The following LGR5 variants were observed in gnomAD, a reference collection of about 807,000 sequenced individuals.
LGR5 encodes leucine-rich repeat-containing G protein-coupled receptor 5.
Under a neutral mutation model 76.7 loss-of-function variants are expected in LGR5, and 54 were observed. The ratio of observed to expected loss-of-function variants is 0.70; its 90% CI spans 0.57 to 0.88. The LOEUF is 0.88. LGR5 is among the 40% of genes least tolerant of loss of function. The probability of loss-of-function intolerance (pLI) is 0.00; values close to 1 mark genes in which losing one functional copy is unlikely to be tolerated. For missense variants in LGR5, 1,078 were observed against 1,073.3 expected, an observed-to-expected ratio of 1.00 and a Z score of -0.06; for synonymous variants, 406 against 421.9, an observed-to-expected ratio of 0.96 and a Z score of 0.46.
chr12:71,491,196 A>T (rs1874055816), intron 1 of LGR5, among the ~76,000 whole-genome samples: 1 of 152,128 alleles, frequency 6.6e-6, no homozygotes, highest in Non-Finnish European at 1.5e-5. Context: ...TTTCTTTATA[A>T]ATTACCCAGT....
chr12:71,531,822 C>T (rs974617016), intron 3 of LGR5, among the ~76,000 whole-genome samples: 2 of 152,094 alleles, frequency 1.3e-5, no homozygotes, highest in African/African-American at 4.8e-5. Flanking sequence ...GAGCCGAGAT[C>T]GCACCACTGC....
At chr12:71,444,500 A>T (rs1255626309) in intron 1 of LGR5, among the ~76,000 whole-genome samples, 1 of 152,144 alleles carries the variant, frequency 6.6e-6, no homozygotes, top group Non-Finnish European at 1.5e-5. Context: ...TATTTAACAT[A>T]TGCATGGCAG....
At chr12:71,532,562 T>C (rs1204597958) in intron 3 of LGR5, among the ~76,000 whole-genome samples, 2 of 152,184 alleles carry the variant, frequency 1.3e-5, no homozygotes, top group African/African-American at 4.8e-5. Context: ...ATTTTTATGA[T>C]CTCCAAATAT....
At chr12:71,446,450 T>C (rs1460462230) in intron 1 of LGR5, among the ~76,000 whole-genome samples, 1 of 152,250 alleles carries the variant, frequency 6.6e-6, no homozygotes, top group Non-Finnish European at 1.5e-5. Flanking sequence ...CCCACAAAGA[T>C]ACTAAATACT....
In LGR5 at chr12:71,439,955, T is replaced by C. The variant is rs1592443777; in HGVS notation, c.-126T>C. The C allele has an allele frequency of 2.4e-5, 20 of 819,384 alleles. No individual in the cohort carries two copies. In the East Asian group the frequency reaches 6.0e-4, roughly 25 times the overall value. 50.8% of individuals were successfully genotyped at this position (819,384 alleles called of 1,614,324 possible). A position where few individuals can be genotyped will look rare whatever the true frequency, so the allele number is the denominator to read the frequency against. ...ACGCCGTGGGGTCAGGAACGCGGCG[T>C]CTGGCGCTGCAGACGCCCGCTGAGT... On this transcript the variant is annotated 5_prime_UTR_variant, in exon 1 of 18. Coordinates refer to ENST00000266674, the MANE Select transcript of LGR5 (RefSeq NM_003667.4).
At chr12:71,458,685 G>A (rs1416975165) in intron 1 of LGR5, among the ~76,000 whole-genome samples, 1 of 152,070 alleles carries the variant, frequency 6.6e-6, no homozygotes, top group Non-Finnish European at 1.5e-5. Flanking sequence ...TCAGCTTCGT[G>A]TTCCTGCAAA....
chr12:71,519,017 A>G (rs144318337), intron 2 of LGR5, among the ~76,000 whole-genome samples: 11 of 152,304 alleles, frequency 7.2e-5, no homozygotes, highest in African/African-American at 2.2e-4. Flanking sequence ...GTCCCATCAG[A>G]AGGACATTTC....
At chr12:71,526,833 A>T (rs866345479) in intron 3 of LGR5, among the ~76,000 whole-genome samples, 12 of 152,160 alleles carry the variant, frequency 7.9e-5, no homozygotes, top group Admixed American at 5.9e-4. Flanking sequence ...TGAATCTTGA[A>T]GCACAACTAG....
chr12:71,512,657 A>T (rs191754215), intron 2 of LGR5, among the ~76,000 whole-genome samples: 2 of 152,322 alleles, frequency 1.3e-5, no homozygotes, highest in East Asian at 3.9e-4. Context: ...ATAGGGACTA[A>T]AGGGGAGGTC....
chr12:71,462,792 G>C (rs1327445740), intron 1 of LGR5, among the ~76,000 whole-genome samples: 1 of 152,116 alleles, frequency 6.6e-6, no homozygotes, highest in African/African-American at 2.4e-5. Context: ...GACCCATCAT[G>C]CTGCAACATT....
intron 4 of LGR5, among the ~76,000 whole-genome samples, chr12:71,550,655 G>A (rs932901300): frequency 6.6e-6 from 1 of 151,486 alleles, no homozygotes; most frequent in Non-Finnish European, 1.5e-5. Context: ...ATAGAAATGG[G>A]GTTTCTCCAT....
At chr12:71,459,272 C>A (rs1872602282) in intron 1 of LGR5, among the ~76,000 whole-genome samples, 1 of 152,054 alleles carries the variant, frequency 6.6e-6, no homozygotes, top group Admixed American at 6.6e-5. Flanking sequence ...TTTTACTGGG[C>A]ATATCTCATT....
intron 3 of LGR5, among the ~76,000 whole-genome samples, chr12:71,528,717 A>G (rs943184285): frequency 2.0e-4 from 31 of 152,208 alleles, no homozygotes; most frequent in Non-Finnish European, 4.4e-5. Context: ...TGATAATTAT[A>G]TAATGATTTA....
chr12:71,450,240 C>T (rs1872192383), intron 1 of LGR5, among the ~76,000 whole-genome samples: 1 of 152,174 alleles, frequency 6.6e-6, no homozygotes, highest in African/African-American at 2.4e-5. Context: ...CTCCCAGTTA[C>T]TTTTCCAGAT....
At chr12:71,578,609 C>T (rs1212079089) in intron 14 of LGR5, among the ~76,000 whole-genome samples, 195 bp from the exon 15 acceptor site, 2 of 152,174 alleles carry the variant, frequency 1.3e-5, no homozygotes, top group African/African-American at 2.4e-5. Context: ...AACCTTTTCT[C>T]CCCTACAATC....
In LGR5 at chr12:71,584,785, G is replaced by A. The variant is rs1194702767; in HGVS notation, c.*51G>A. On this transcript the variant is annotated 3_prime_UTR_variant, in exon 18 of 18. Transcript: ENST00000266674. ...AAAGGTTGAGAACCTGAAAATGTGA[G>A]ATTGAGTATATCAGAGCAGTAATTA... 2 of 1,551,020 alleles carry A rather than the reference G, an allele frequency of 1.3e-6. No homozygotes were observed. The highest frequency in any genetic ancestry group is 1.8e-6 in the Non-Finnish European group (2 of 1,138,946).
At chr12:71,504,882 A>C (rs1254456823) in intron 2 of LGR5, among the ~76,000 whole-genome samples, 197 bp downstream of exon 2, 1 of 152,206 alleles carries the variant, frequency 6.6e-6, no homozygotes, top group African/African-American at 2.4e-5. Context: ...CAACTTATAA[A>C]AGAGTTTACC....
At chr12:71,575,177 C>T (rs576533789) in intron 13 of LGR5, among the ~76,000 whole-genome samples, 1 of 152,230 alleles carries the variant, frequency 6.6e-6, no homozygotes, top group South Asian at 2.1e-4. Context: ...ATACCTACCT[C>T]TTAGGGTTGT....
chr12:71,470,706 A>G (rs956925310), intron 1 of LGR5, among the ~76,000 whole-genome samples: 8 of 152,052 alleles, frequency 5.3e-5, no homozygotes, highest in African/African-American at 1.4e-4. Context: ...TCTTACTCCC[A>G]CCCCATCTCT....
Sources: gnomAD v4.1 joint callset for allele counts (sites outside exome capture counted in the v4.1 genomes callset) on GRCh38, gnomAD v4.1.1 for gene constraint, MANE v1.5 for transcripts, NCBI Gene and HGNC (gene_info 2026-07-23, HGNC 2026-07-21) for gene names.